The following ROS1 variants were observed in gnomAD, a reference collection of about 807,000 sequenced individuals.
ROS1 encodes ROS proto-oncogene 1, receptor tyrosine kinase.
ROS1 carries 263 observed loss-of-function variants against 273.5 expected under a neutral mutation model. That is an observed-to-expected ratio of 0.96 (90% CI 0.87 to 1.06). ROS1 has a LOEUF of 1.06. ROS1 is among the 50% of genes least tolerant of loss of function. The probability of loss-of-function intolerance (pLI) is 0.00; values close to 1 mark genes in which losing one functional copy is unlikely to be tolerated. For synonymous variants in ROS1, 1,008 were observed against 954.1 expected (o/e 1.06, Z -1.04); for missense variants, 2,833 against 2,751.1 (o/e 1.03, Z -0.67).
At chr6:117,336,252 A>C (rs1777453709) in intron 32 of ROS1, among the ~76,000 whole-genome samples, 1 of 152,056 alleles carries the variant, frequency 6.6e-6, no homozygotes, top group South Asian at 2.1e-4. Flanking sequence ...GGTTTACTAC[A>C]CCTAGCAAAC....
intron 42 of ROS1, 31 bp downstream of exon 42, chr6:117,308,763 G>A (rs2128545766): frequency 1.3e-6 from 2 of 1,599,750 alleles, no homozygotes; most frequent in Non-Finnish European, 1.7e-6. Flanking sequence ...TTTTTGTTTG[G>A]GGGATACATA....
chr6:117,311,875 T>C (rs953100244), intron 39 of ROS1, among the ~76,000 whole-genome samples: 3 of 152,098 alleles, frequency 2.0e-5, no homozygotes, highest in Non-Finnish European at 4.4e-5. Flanking sequence ...ACATTGTCTG[T>C]CCCTTTCCAT....
At chr6:117,345,936 A>G (rs1194870487) in intron 27 of ROS1, among the ~76,000 whole-genome samples, 1 of 152,180 alleles carries the variant, frequency 6.6e-6, no homozygotes, top group Non-Finnish European at 1.5e-5. Context: ...TACATCGAAA[A>G]TCTCCAACAA....
In ROS1 at chr6:117,336,237, A is replaced by G. The variant is rs116968336; in HGVS notation, c.5230+935T>C. On this transcript the variant is annotated intron_variant, in intron 32 of 43. Transcript: ENST00000368507. ...TTTGTTACATGGGTAAACATGTCCC[A>G]TGGTGGTTTACTACACCTAGCAAAC... 1.5e-3 allele frequency among the ~76,000 whole-genome samples: 229 copies of G among 152,178 alleles called. 3 individuals are homozygous for G. In the East Asian group the frequency reaches 0.041, roughly 27 times the overall value.
intron 5 of ROS1, among the ~76,000 whole-genome samples, chr6:117,406,338 C>T (rs1326093558): frequency 6.6e-6 from 1 of 151,992 alleles, no homozygotes; most frequent in African/African-American, 2.4e-5. Context: ...ATAGCATACT[C>T]ACCGATAAAT....
chr6:117,317,308 C>G (rs745427961), intron 38 of ROS1, 36 bp from the exon 39 acceptor site: 3 of 1,595,796 alleles, frequency 1.9e-6, no homozygotes, highest in Non-Finnish European at 2.6e-6. Context: ...GATGATATGA[C>G]AGAAGCAGGA....
intron 27 of ROS1, among the ~76,000 whole-genome samples, chr6:117,346,487 C>T (rs1004853635): frequency 2.0e-5 from 3 of 151,220 alleles, no homozygotes; most frequent in African/African-American, 7.3e-5. Context: ...ACTCTTGGGA[C>T]TTCATTTTGG....
intron 35 of ROS1, among the ~76,000 whole-genome samples, chr6:117,323,971 C>T (rs1020948356): frequency 2.0e-5 from 3 of 152,136 alleles, no homozygotes; most frequent in African/African-American, 7.2e-5. Flanking sequence ...TTTTTCTGTA[C>T]CCAGGGTTAT....
intron 24 of ROS1, among the ~76,000 whole-genome samples, chr6:117,359,231 A>G (rs1779581301): frequency 6.6e-6 from 1 of 152,068 alleles, no homozygotes; most frequent in Admixed American, 6.6e-5. Flanking sequence ...CTGTGATTCC[A>G]CCACATCCTG....
intron 42 of ROS1, among the ~76,000 whole-genome samples, chr6:117,304,381 G>T (rs1448360863): frequency 6.6e-6 from 1 of 152,150 alleles, no homozygotes; most frequent in East Asian, 1.9e-4. Context: ...TTTTATTTTT[G>T]AAAATAAAGC....
intron 32 of ROS1, among the ~76,000 whole-genome samples, chr6:117,333,760 C>A (rs1014733498): frequency 2.6e-5 from 4 of 152,138 alleles, no homozygotes; most frequent in Non-Finnish European, 4.4e-5. Context: ...TGAATAGATG[C>A]AGAAAAGGCC....
chr6:117,334,312 A>G (rs965070297), intron 32 of ROS1, among the ~76,000 whole-genome samples: 5 of 152,200 alleles, frequency 3.3e-5, no homozygotes, highest in Non-Finnish European at 5.9e-5. Context: ...CTCTTCAAGG[A>G]AAACTACAAA....
chr6:117,379,928 C>T (rs1771979992), intron 17 of ROS1, among the ~76,000 whole-genome samples: 1 of 152,094 alleles, frequency 6.6e-6, no homozygotes. Context: ...CTTCTTACTA[C>T]TCTTTGCTTT....
chr6:117,395,635 A>C (rs948246639), intron 9 of ROS1, among the ~76,000 whole-genome samples: 2 of 152,156 alleles, frequency 1.3e-5, no homozygotes, highest in Non-Finnish European at 2.9e-5. Flanking sequence ...CACATATATC[A>C]TACAGTAAGT....
Position 117,394,227 on chromosome 6 carries a change from C to A in ROS1, c.1126G>T (p.Gly376Ter). The A allele has an allele frequency of 6.2e-7, 1 of 1,608,614 alleles. No homozygotes were observed. Among genetic ancestry groups the A allele is most frequent in the East Asian group, 2.2e-5 (1 of 44,522 alleles). The change falls in exon 11 of 44, where the codon GGA becomes TGA. Residue 376 changes from glycine to a stop codon, truncating the protein, a stop_gained. Coordinates refer to ENST00000368507, the MANE Select transcript of ROS1 (RefSeq NM_001378902.1). LOFTEE classifies it high-confidence loss of function. ...TCTATGGAGATAGAAGAAATTAATCCTGAACCTCTGTAAAAAATTCTCAGG... is the reference window on the plus strand; with the variant it reads ...TCTATGGAGATAGAAGAAATTAATCATGAACCTCTGTAAAAAATTCTCAGG... ...SDLRIFYRGS[G>*]LISSISIDWL...
At chr6:117,321,209 T>G (rs2128562968) in intron 36 of ROS1, 50 bp downstream of exon 36, 1 of 1,594,690 alleles carries the variant, frequency 6.3e-7, no homozygotes, top group Non-Finnish European at 8.5e-7. Flanking sequence ...CTCCTTACTG[T>G]TGCCCACCCT....
At chr6:117,397,253 G>A (rs1388365973) in intron 7 of ROS1, 137 bp from the exon 8 acceptor site, 68 of 632,582 alleles carry the variant, frequency 1.1e-4, no homozygotes, top group Non-Finnish European at 1.1e-4. Context: ...CTCAAAATAT[G>A]TGATAGAGGA....
chr6:117,362,089 T>A (rs1779847417), intron 22 of ROS1, among the ~76,000 whole-genome samples: 1 of 152,000 alleles, frequency 6.6e-6, no homozygotes, highest in African/African-American at 2.4e-5. Context: ...ATACAGAAAT[T>A]AAAATCATGA....
At chr6:117,387,120 A>C (rs1772647336) in intron 14 of ROS1, 121 bp from the exon 15 acceptor site, 7 of 504,098 alleles carry the variant, frequency 1.4e-5, no homozygotes, top group Non-Finnish European at 2.1e-5. Flanking sequence ...AAAGAATGTC[A>C]ACACTTTGAA....
Sources: gnomAD v4.1 joint callset for allele counts (sites outside exome capture counted in the v4.1 genomes callset) on GRCh38, gnomAD v4.1.1 for gene constraint, MANE v1.5 for transcripts, NCBI Gene and HGNC (gene_info 2026-07-23, HGNC 2026-07-21) for gene names.